Variants in CLPB observed in about 807,000 individuals in gnomAD.
CLPB encodes mitochondrial disaggregase.
In CLPB, 40 loss-of-function variants were observed where a neutral mutation model predicts 78.4. The observed-to-expected ratio is 0.51, with a 90% CI of 0.40 to 0.66. The LOEUF (loss-of-function observed/expected upper bound fraction) is 0.66, where lower values mean the gene tolerates loss of function less well. Among genes scored for constraint, CLPB ranks in the 30% least tolerant of loss-of-function variants. The probability of loss-of-function intolerance (pLI) is 0.00; values close to 1 mark genes in which losing one functional copy is unlikely to be tolerated. For synonymous variants in CLPB, 333 were observed against 348.0 expected, an observed-to-expected ratio of 0.96 and a Z score of 0.48; for missense variants, 780 against 886.9, an observed-to-expected ratio of 0.88 and a Z score of 1.53.
intron 2 of CLPB, among the ~76,000 whole-genome samples, chr11:72,405,430 A>G (rs1855681578): frequency 6.6e-6 from 1 of 152,100 alleles, no homozygotes; most frequent in African/African-American, 2.4e-5. Context: ...AGGAGCATAC[A>G]CTCTCAAAAA....
At chr11:72,424,813 G>A (rs1231173172) in intron 2 of CLPB, among the ~76,000 whole-genome samples, 1 of 152,028 alleles carries the variant, frequency 6.6e-6, no homozygotes, top group Non-Finnish European at 1.5e-5. Flanking sequence ...ATGAACCCGG[G>A]TGGCGGAGTT....
chr11:72,421,112 C>A (rs1457639826), intron 2 of CLPB, among the ~76,000 whole-genome samples: 1 of 152,190 alleles, frequency 6.6e-6, no homozygotes, highest in African/African-American at 2.4e-5. Flanking sequence ...AGCTTTTTTG[C>A]AGGGTACATG....
intron 3 of CLPB, 75 bp from the exon 4 acceptor site, chr11:72,380,459 T>A: frequency 8.6e-7 from 1 of 1,162,368 alleles, no homozygotes; most frequent in Non-Finnish European, 1.3e-6. Context: ...TCCGGAAGCA[T>A]GTTTGGGGAC....
chr11:72,334,805 G>T (rs960380872), intron 5 of CLPB, among the ~76,000 whole-genome samples: 1 of 152,212 alleles, frequency 6.6e-6, no homozygotes, highest in African/African-American at 2.4e-5. Flanking sequence ...TGGGGCTGGG[G>T]CAAACACCTG....
intron 2 of CLPB, among the ~76,000 whole-genome samples, chr11:72,427,851 A>T (rs1056021137): frequency 6.6e-6 from 1 of 152,158 alleles, no homozygotes; most frequent in African/African-American, 2.4e-5. Context: ...TGAGTATGGG[A>T]TTCTGTCCTG....
intron 9 of CLPB, among the ~76,000 whole-genome samples, chr11:72,306,273 G>C (rs894678939): frequency 6.6e-6 from 1 of 152,188 alleles, no homozygotes; most frequent in Non-Finnish European, 1.5e-5. Context: ...CAGTGGGGCA[G>C]GCAAGCCAGA....
chr11:72,302,567 C>A, intron 9 of CLPB: 1 of 539,670 alleles, frequency 1.9e-6, no homozygotes, highest in East Asian at 3.3e-5. Flanking sequence ...AGACCCAAAT[C>A]ATGTACCTGA....
chr11:72,358,427 C>T (rs1211688411), intron 5 of CLPB, among the ~76,000 whole-genome samples: 1 of 151,990 alleles, frequency 6.6e-6, no homozygotes, highest in African/African-American at 2.4e-5. Flanking sequence ...GGGCCTGAGA[C>T]GGGGGTGGGA....
rs1484520718 is a variant in CLPB, at chr11:72,286,368, C to T, written c.*6999G>A. 2 of 151,846 alleles carry T rather than the reference C, an allele frequency of 1.3e-5. No homozygotes were observed. The highest frequency in any genetic ancestry group is 2.4e-5 in the African/African-American group (1 of 41,304). The allele number at this position is 151,846 out of a possible 1,614,324, so 9.4% of individuals were successfully genotyped here. A position where few individuals can be genotyped will look rare whatever the true frequency, so the allele number is the denominator to read the frequency against. On this transcript the variant is annotated 3_prime_UTR_variant, in exon 16 of 16. Coordinates refer to ENST00000538039, the MANE Select transcript of CLPB (RefSeq NM_001258392.3). ...CCTCAGCCTCGAGTAGCTGGGTATA[C>T]AGGCATGCACTACCATGCCTGGCCT...
At chr11:72,407,237 C>A (rs973323797) in intron 2 of CLPB, among the ~76,000 whole-genome samples, 3 of 152,192 alleles carry the variant, frequency 2.0e-5, no homozygotes, top group African/African-American at 7.2e-5. Context: ...CTAAATAGTG[C>A]CAAGGTCCTC....
rs531679404 is a variant in CLPB, at chr11:72,301,701, C to T, written c.1329+102G>A. 185 of 1,296,186 alleles carry T rather than the reference C, an allele frequency of 1.4e-4. 1 individual carries two copies. The highest frequency in any genetic ancestry group is 1.4e-4 in the East Asian group (6 of 43,068). The allele number at this position is 1,296,186 out of a possible 1,614,324, so 80.3% of individuals were successfully genotyped here. A position where few individuals can be genotyped will look rare whatever the true frequency, so the allele number is the denominator to read the frequency against. On this transcript the variant is annotated intron_variant, in intron 11 of 15. Transcript: ENST00000538039. ...ATGTACACATGCGGGAGCAGGAAGC[C>T]GAGGAATGACCAGCTAGCCTCTGGG...
At chr11:72,309,139 C>G (rs1431706593) in intron 7 of CLPB, among the ~76,000 whole-genome samples, 1 of 152,112 alleles carries the variant, frequency 6.6e-6, no homozygotes, top group African/African-American at 2.4e-5. Context: ...AATGCATTTT[C>G]TGGAAGTCAA....
intron 2 of CLPB, among the ~76,000 whole-genome samples, chr11:72,406,941 AC>A (rs1042681227): frequency 2.0e-5 from 3 of 152,034 alleles, no homozygotes; most frequent in African/African-American, 7.2e-5. Context: ...TCTGCTTACA[AC>A]TTTTTTCACA....
chr11:72,391,955 C>G (rs376178387), intron 3 of CLPB, among the ~76,000 whole-genome samples: 51 of 152,196 alleles, frequency 3.4e-4, no homozygotes, highest in African/African-American at 1.2e-3. Context: ...AGGGCAGTTA[C>G]TTCAATCAGT....
intron 2 of CLPB, among the ~76,000 whole-genome samples, chr11:72,405,216 G>A (rs567417841): frequency 8.5e-5 from 13 of 152,324 alleles, no homozygotes; most frequent in African/African-American, 1.9e-4. Flanking sequence ...GTATGACTGC[G>A]AAGCAGGAAA....
At chr11:72,429,494 C>T (rs1215201705) in intron 2 of CLPB, among the ~76,000 whole-genome samples, 1 of 152,228 alleles carries the variant, frequency 6.6e-6, no homozygotes, top group Non-Finnish European at 1.5e-5. Flanking sequence ...CACCTGACTT[C>T]CTGTCTAACA....
intron 3 of CLPB, among the ~76,000 whole-genome samples, chr11:72,383,183 C>G (rs1183837131): frequency 6.6e-6 from 1 of 151,290 alleles, no homozygotes; most frequent in Non-Finnish European, 1.5e-5. Context: ...CAATAAGATT[C>G]AGTCCAAATA....
intron 5 of CLPB, chr11:72,354,630 A>C (rs2135597437): frequency 3.1e-6 from 1 of 325,590 alleles, no homozygotes; most frequent in Middle Eastern, 8.1e-4. Context: ...ACCTGCATTC[A>C]AGTGCTGAAG....
At chr11:72,358,188 T>A (rs544001345) in intron 5 of CLPB, among the ~76,000 whole-genome samples, 2 of 152,300 alleles carry the variant, frequency 1.3e-5, no homozygotes, top group East Asian at 3.9e-4. Context: ...TTAACTGATG[T>A]TCTCCAAAGG....
Sources: allele counts gnomAD v4.1 joint callset (sites outside exome capture counted in the v4.1 genomes callset), GRCh38; gene constraint gnomAD v4.1.1; transcripts MANE v1.5; gene names NCBI Gene and HGNC (gene_info 2026-07-23, HGNC 2026-07-21).